The following PCDH17 variants were observed in gnomAD, a reference collection of about 807,000 sequenced individuals.
The protein encoded by PCDH17 is protocadherin-17.
PCDH17 carries 21 observed loss-of-function variants against 67.7 expected under a neutral mutation model. The observed-to-expected ratio is 0.31, with a 90% CI of 0.22 to 0.45. The LOEUF is 0.45. Ranked by LOEUF, PCDH17 falls within the 20% of genes least tolerant of loss-of-function variation. The pLI, the probability that PCDH17 is intolerant of heterozygous loss-of-function variation, is 1.00. For synonymous variants in PCDH17, 701 were observed against 656.7 expected (o/e 1.07, Z -1.03); for missense variants, 1,471 against 1,564.8 (o/e 0.94, Z 1.01).
intron 3 of PCDH17, among the ~76,000 whole-genome samples, chr13:57,678,319 T>TA (rs1231989193): frequency 4.6e-5 from 7 of 151,582 alleles, no homozygotes; most frequent in African/African-American, 1.7e-4. Context: ...AAGATATTGT[T>TA]ATGGATGAAA....
intron 3 of PCDH17, among the ~76,000 whole-genome samples, chr13:57,717,481 G>A (rs553154012): frequency 6.6e-6 from 1 of 151,892 alleles, no homozygotes; most frequent in South Asian, 2.1e-4. Context: ...TGTCCAAAGG[G>A]TCACAGACAC....
In PCDH17 at chr13:57,725,163, G is replaced by C; in HGVS notation, c.3349G>C (p.Val1117Leu). The change falls in exon 4 of 4, where the codon GTT (valine) becomes CTT (leucine). Residue 1117 changes from valine to leucine, a missense_variant. Val to Leu is a conservative substitution (Grantham distance 32). This residue lies in a region of PCDH17 where 297 missense variants were observed against 298.6 expected (regional missense o/e 0.99). Coordinates refer to ENST00000377918, the MANE Select transcript of PCDH17 (RefSeq NM_001040429.3). ...ASRDSSEMGA[V>L]LEQLDHPNRD... is the part of the protein sequence containing the mutation. ...CCGGGATTCCAGTGAGATGGGTGCT[G>C]TTCTTGAGCAGCTTGACCACCCCAA... 6.2e-7 allele frequency: 1 copy of C among 1,614,168 alleles called. No homozygotes were observed. Among genetic ancestry groups the C allele is most frequent in the East Asian group, 2.2e-5 (1 of 44,868 alleles).
chr13:57,719,510 A>G (rs1190896711), intron 3 of PCDH17, among the ~76,000 whole-genome samples: 2 of 152,064 alleles, frequency 1.3e-5, no homozygotes, highest in African/African-American at 4.8e-5. Flanking sequence ...GCTGCAAACT[A>G]TATGTACGTT....
chr13:57,699,822 A>C (rs918754565), intron 3 of PCDH17, among the ~76,000 whole-genome samples: 2 of 152,100 alleles, frequency 1.3e-5, no homozygotes, highest in Admixed American at 6.6e-5. Flanking sequence ...TTAAAATATT[A>C]AAAATGTATA....
chr13:57,637,280 C>A (rs1020895275), intron 1 of PCDH17, among the ~76,000 whole-genome samples: 1 of 152,014 alleles, frequency 6.6e-6, no homozygotes, highest in Non-Finnish European at 1.5e-5. Context: ...CTAGAAATAT[C>A]CTCAACATGC....
chr13:57,701,705 A>G (rs1955664229), intron 3 of PCDH17, among the ~76,000 whole-genome samples: 1 of 152,120 alleles, frequency 6.6e-6, no homozygotes, highest in Non-Finnish European at 1.5e-5. Flanking sequence ...GTGATAGGTG[A>G]CCAGTGGTTC....
intron 3 of PCDH17, among the ~76,000 whole-genome samples, chr13:57,677,110 A>G (rs1267599701): frequency 6.6e-6 from 1 of 151,844 alleles, no homozygotes; most frequent in Non-Finnish European, 1.5e-5. Flanking sequence ...CATGTGACAG[A>G]TACCGTTTCA....
chr13:57,674,766 A>G (rs1955370439), intron 3 of PCDH17, among the ~76,000 whole-genome samples: 1 of 151,996 alleles, frequency 6.6e-6, no homozygotes, highest in Non-Finnish European at 1.5e-5. Context: ...AATTTTGTTA[A>G]TTTAATAGGT....
At position 57,722,902 on chromosome 13, in the gene PCDH17, C is replaced by A. The variant is rs552083457; in HGVS notation, c.2798-1710C>A. ...GGGATTATAGGCATAAGCCACTATA[C>A]CTGGCCAATATTGAACTTCTGATAC... On this transcript the variant is annotated intron_variant, in intron 3 of 3. Coordinates refer to ENST00000377918, the MANE Select transcript of PCDH17 (RefSeq NM_001040429.3). 6.6e-5 allele frequency among the ~76,000 whole-genome samples: 10 copies of A among 152,236 alleles called. 1 individual carries two copies. The South Asian group carries it at 2.1e-3, about 32-fold the overall frequency.
chr13:57,662,114 A>C (rs908889370), intron 1 of PCDH17, among the ~76,000 whole-genome samples: 4 of 152,008 alleles, frequency 2.6e-5, no homozygotes, highest in Admixed American at 6.5e-5. Context: ...TGATCCACCC[A>C]CCTTACCCTC....
intron 1 of PCDH17, among the ~76,000 whole-genome samples, chr13:57,658,370 G>A (rs1955136319): frequency 6.6e-6 from 1 of 152,164 alleles, no homozygotes; most frequent in Non-Finnish European, 1.5e-5. Flanking sequence ...AAGGGAGGTA[G>A]TTAAGGCACA....
rs117989314 is a variant in PCDH17, at chr13:57,690,373, A to G, written c.2797+23540A>G. On this transcript the variant is annotated intron_variant, in intron 3 of 3. Coordinates refer to ENST00000377918, the MANE Select transcript of PCDH17 (RefSeq NM_001040429.3). The stretch of plus-strand genomic sequence containing the variant: ...AAGAAGCAGTATCAGATGAACTGGT[A>G]GAATCTAGAATAACTTTTAAGAATT... Among the ~76,000 whole-genome samples, 329 of 151,822 alleles carry G rather than the reference A, an allele frequency of 2.2e-3. 1 individual carries two copies. Among genetic ancestry groups the G allele is most frequent in the Non-Finnish European group, 2.8e-3 (187 of 67,720 alleles).
rs775170723 is a variant in PCDH17 at position 57,678,191 on chromosome 13, T to C, written c.2797+11358T>C. Among the ~76,000 whole-genome samples the C allele has an allele frequency of 2.0e-5, 3 of 151,464 alleles. No individual in the cohort carries two copies. In the South Asian group the frequency reaches 6.2e-4, roughly 32 times the overall value. ...GAAACATCATATTGTATATGATAAA[T>C]AGGTTTTTTTAAAGAGGGATATGCC... On this transcript the variant is annotated intron_variant, in intron 3 of 3. Coordinates refer to ENST00000377918, the MANE Select transcript of PCDH17 (RefSeq NM_001040429.3).
chr13:57,640,192 A>G (rs1954872707), intron 1 of PCDH17, among the ~76,000 whole-genome samples: 1 of 151,976 alleles, frequency 6.6e-6, no homozygotes. Flanking sequence ...TCAGGTTTCA[A>G]GTTTTTCACT....
chr13:57,708,358 T>A (rs1274948988), intron 3 of PCDH17, among the ~76,000 whole-genome samples: 19 of 152,024 alleles, frequency 1.2e-4, no homozygotes, highest in African/African-American at 4.3e-4. Context: ...TGAACTTTTT[T>A]AATATATATT....
chr13:57,683,540 A>G (rs373998469), intron 3 of PCDH17, among the ~76,000 whole-genome samples: 1 of 151,872 alleles, frequency 6.6e-6, no homozygotes, highest in African/African-American at 2.4e-5. Flanking sequence ...CCTTTAACTG[A>G]TATTGTACTA....
At chr13:57,703,273 CA>C (rs899514721) in intron 3 of PCDH17, among the ~76,000 whole-genome samples, 1 of 152,032 alleles carries the variant, frequency 6.6e-6, no homozygotes, top group African/African-American at 2.4e-5. Context: ...GCTTGGCATT[CA>C]AAAAATTTTT....
At chr13:57,698,752 C>T (rs530439417) in intron 3 of PCDH17, among the ~76,000 whole-genome samples, 14 of 151,966 alleles carry the variant, frequency 9.2e-5, no homozygotes, top group Non-Finnish European at 2.1e-4. Context: ...ATAAAATGGC[C>T]TTCAACACTG....
At chr13:57,689,835 G>GA (rs905000752) in intron 3 of PCDH17, among the ~76,000 whole-genome samples, 2 of 151,638 alleles carry the variant, frequency 1.3e-5, no homozygotes, top group Admixed American at 6.6e-5. Context: ...TCTATTCTGG[G>GA]AAAAAATAAT....
Sources: allele counts gnomAD v4.1 joint callset (sites outside exome capture counted in the v4.1 genomes callset), GRCh38; gene constraint gnomAD v4.1.1; regional missense constraint gnomAD v4.1.1; transcripts MANE v1.5; gene names NCBI Gene and HGNC (gene_info 2026-07-23, HGNC 2026-07-21).